The following HBP1 variants were observed in gnomAD, a reference collection of about 807,000 sequenced individuals.
HBP1 encodes the protein HMG-box transcription factor 1.
HBP1 carries 20 observed loss-of-function variants against 62.6 expected under a neutral mutation model. That is an observed-to-expected ratio of 0.32 (90% confidence interval 0.22 to 0.46). HBP1 has a LOEUF of 0.46. HBP1 is among the 20% of genes least tolerant of loss of function. The pLI, the probability that HBP1 is intolerant of heterozygous loss-of-function variation, is 1.00. For missense variants in HBP1, 480 were observed against 611.8 expected (o/e 0.78, Z 2.27); for synonymous variants, 232 against 206.2 (o/e 1.12, Z -1.07).
chr7:107,176,946 A>G (rs927932172), intron 1 of HBP1, among the ~76,000 whole-genome samples: 1 of 152,176 alleles, frequency 6.6e-6, no homozygotes, highest in Admixed American at 6.5e-5. Context: ...GGCATGATAC[A>G]TGATTTTTAT....
At chr7:107,195,809 A>T in intron 8 of HBP1, 25 bp from the exon 9 acceptor site, 3 of 1,068,894 alleles carry the variant, frequency 2.8e-6, no homozygotes, top group Non-Finnish European at 2.6e-6. Flanking sequence ...GAATTAAAAT[A>T]TTATTATTTT....
At position 107,169,803 on chromosome 7, in the gene HBP1, A is replaced by C; in HGVS notation, c.-16+618A>C. 3.1e-6 allele frequency: 3 copies of C among 981,366 alleles called. No homozygotes were observed. The South Asian group carries it at 1.4e-4, about 47-fold the overall frequency. The allele number at this position is 981,366 out of a possible 1,614,324, so 60.8% of individuals were successfully genotyped here. ...CAAGCCCGGAGTCCGGGCTGCGGTC[A>C]CATGATGGGGGGAAGGGAGGGGAAC... is the stretch of plus-strand genomic sequence containing the variant. On this transcript the variant is annotated intron_variant, in intron 1 of 10. Transcript: ENST00000222574.
chr7:107,169,868 T>C (rs2115738568), intron 1 of HBP1: 1 of 985,402 alleles, frequency 1.0e-6, no homozygotes, highest in Admixed American at 6.1e-5. Context: ...GGACTTGGCG[T>C]GAACCGGGAG....
chr7:107,172,019 A>C (rs1796624961), intron 1 of HBP1, among the ~76,000 whole-genome samples: 1 of 152,064 alleles, frequency 6.6e-6, no homozygotes, highest in African/African-American at 2.4e-5. Context: ...AAAATGGCAT[A>C]CTCTAATATT....
chr7:107,181,401 G>A (rs923280780), intron 2 of HBP1, among the ~76,000 whole-genome samples: 6 of 152,032 alleles, frequency 3.9e-5, no homozygotes, highest in Admixed American at 2.6e-4. Flanking sequence ...GAGCCCAGGG[G>A]TCCAAGGCTG....
At chr7:107,170,386 A>T (rs916718981) in intron 1 of HBP1, among the ~76,000 whole-genome samples, 1 of 152,176 alleles carries the variant, frequency 6.6e-6, no homozygotes, top group African/African-American at 2.4e-5. Flanking sequence ...TGGTCATTTA[A>T]CAGTGATCTA....
chr7:107,182,351 T>C, intron 2 of HBP1, 22 bp from the exon 3 acceptor site: 1 of 1,363,308 alleles, frequency 7.3e-7, no homozygotes. Context: ...CTTTTTATGA[T>C]TTTGAGTGTG....
At chr7:107,187,872 C>T (rs1468930380) in intron 6 of HBP1, among the ~76,000 whole-genome samples, 2 of 152,140 alleles carry the variant, frequency 1.3e-5, no homozygotes, top group Non-Finnish European at 2.9e-5. Context: ...CTTGACTGCC[C>T]GCAGTGCTGA....
intron 1 of HBP1, chr7:107,169,901 G>A (rs1471015925): frequency 4.1e-6 from 4 of 985,464 alleles, no homozygotes; most frequent in African/African-American, 3.5e-5. Context: ...GTGACCCAAA[G>A]AGGAGGCTTG....
chr7:107,195,807 A>ATAT (rs563780275), intron 8 of HBP1, 27 bp from the exon 9 acceptor site: 4 of 1,066,436 alleles, frequency 3.8e-6, no homozygotes, highest in Non-Finnish European at 5.1e-6. Flanking sequence ...TTGAATTAAA[A>ATAT]TATTATTATT....
In HBP1 at chr7:107,201,610, C is replaced by T; in HGVS notation, c.*179C>T. 1 of 452,962 alleles carries T rather than the reference C, an allele frequency of 2.2e-6. No individual in the cohort carries two copies. 28.1% of individuals were successfully genotyped at this position (452,962 alleles called of 1,614,324 possible). A position where few individuals can be genotyped will look rare whatever the true frequency, so the allele number is the denominator to read the frequency against. On this transcript the variant is annotated 3_prime_UTR_variant, in exon 11 of 11. Coordinates refer to ENST00000222574, the MANE Select transcript of HBP1 (RefSeq NM_012257.4). ...TGAGGATTTGCTTTCTCCATTAGAG[C>T]ATTAAGCTAAAACTATCAACATTTT...
chr7:107,175,628 A>C (rs1023132506), intron 1 of HBP1, among the ~76,000 whole-genome samples: 3 of 152,086 alleles, frequency 2.0e-5, no homozygotes, highest in Admixed American at 6.5e-5. Context: ...TGGTAAAACT[A>C]GATTCTATAT....
At chr7:107,197,390 A>C (rs1281357803) in intron 9 of HBP1, among the ~76,000 whole-genome samples, 2 of 152,152 alleles carry the variant, frequency 1.3e-5, no homozygotes, top group African/African-American at 4.8e-5. Context: ...TGTTTGTTTG[A>C]GGCGGAGTCT....
At chr7:107,191,304 C>T (rs1797635469) in intron 8 of HBP1, among the ~76,000 whole-genome samples, 1 of 152,084 alleles carries the variant, frequency 6.6e-6, no homozygotes, top group Admixed American at 6.6e-5. Context: ...GATTACATCC[C>T]TCATATACAC....
chr7:107,189,546 G>T, intron 7 of HBP1, 98 bp downstream of exon 7: 1 of 867,512 alleles, frequency 1.2e-6, no homozygotes, highest in East Asian at 2.6e-5. Flanking sequence ...AAAATTTGAG[G>T]GGAAAACGTC....
intron 10 of HBP1, chr7:107,200,860 A>T (rs998327130): frequency 6.6e-6 from 1 of 152,664 alleles, no homozygotes; most frequent in Non-Finnish European, 1.5e-5. Flanking sequence ...CTTGTTTCTT[A>T]TAACTTTTCC....
In HBP1 at chr7:107,185,820, A is replaced by G; in HGVS notation, c.418A>G (p.Ile140Val). The G allele has an allele frequency of 6.2e-7, 1 of 1,613,776 alleles. No homozygotes were observed. Among genetic ancestry groups the G allele is most frequent in the Non-Finnish European group, 8.5e-7 (1 of 1,179,660 alleles). ...TTTTAGATCATCTCCTGTACACATC[A>G]TAGCCACTAGCAAAAGTTTACATTC... ...FYNRSSPVHIIATSKSLHSYA... is the reference protein window; with the variant it reads ...FYNRSSPVHIVATSKSLHSYA... Residue 140 changes from isoleucine (I) to valine (V), a missense_variant, in exon 4 of 11, where the codon ATA becomes GTA. Physicochemically the swap from Ile to Val is conservative, Grantham distance 29 (BLOSUM62 3). Coordinates refer to ENST00000222574, the MANE Select transcript of HBP1 (RefSeq NM_012257.4).
chr7:107,194,312 G>C (rs2115966218), intron 8 of HBP1, among the ~76,000 whole-genome samples: 1 of 152,248 alleles, frequency 6.6e-6, no homozygotes, highest in South Asian at 2.1e-4. Flanking sequence ...ATTTTAAATT[G>C]TAATCATTTT....
In HBP1 at chr7:107,179,993, T is replaced by C. The variant is rs1481206542; in HGVS notation, c.100T>C (p.Leu34=). 1 of 1,610,194 alleles carries C rather than the reference T, an allele frequency of 6.2e-7. No individual in the cohort carries two copies. The highest frequency in any genetic ancestry group is 8.5e-7 in the Non-Finnish European group (1 of 1,177,060). The change falls in exon 2 of 11, where the codon TTG becomes CTG. Residue 34 remains leucine (L), a synonymous_variant. Transcript: ENST00000222574. ...RASGMNDSLE[L]LQCNENLPSS... ...CTCAGGAATGAATGACTCATTGGAG[T>C]TGCTGCAGTGTAATGAGAATTTGCC... is the stretch of plus-strand genomic sequence containing the variant.
Sources: allele counts gnomAD v4.1 joint callset (sites outside exome capture counted in the v4.1 genomes callset), GRCh38; gene constraint gnomAD v4.1.1; transcripts MANE v1.5; gene names NCBI Gene and HGNC (gene_info 2026-07-23, HGNC 2026-07-21).